PCID2: variants seen among roughly 807,000 people sequenced by gnomAD.
The protein encoded by PCID2 is PCI domain containing 2.
In PCID2, 41 loss-of-function variants were observed where a neutral mutation model predicts 61.3. The ratio of observed to expected loss-of-function variants is 0.67; its 90% confidence interval spans 0.52 to 0.87. The LOEUF (loss-of-function observed/expected upper bound fraction) is 0.87. Among genes scored for constraint, PCID2 ranks in the 40% least tolerant of loss-of-function variants. The pLI is 0.00. For synonymous variants in PCID2, 187 were observed against 177.8 expected, an observed-to-expected ratio of 1.05 and a Z score of -0.41; for missense variants, 392 against 493.4, an observed-to-expected ratio of 0.79 and a Z score of 1.95.
the PCID2 span, chr13:113,172,176 A>G: frequency 6.4e-7 from 1 of 1,572,038 alleles, no homozygotes; most frequent in Non-Finnish European, 8.6e-7. Flanking sequence ...GCCACTGTGG[A>G]GGGCGCTGAA....
the PCID2 span, among the ~76,000 whole-genome samples, chr13:113,168,006 G>A: frequency 9.9e-5 from 15 of 152,118 alleles, 1 homozygote; most frequent in East Asian, 1.4e-3. Flanking sequence ...CTCCACTTTC[G>A]CCGACGCCAC....
chr13:113,200,504 T>C lies in PCID2; in HGVS notation c.49A>G (p.Ile17Val), dbSNP rs755634819. The C allele has an allele frequency of 1.2e-6, 2 of 1,611,264 alleles. No homozygotes were observed. Among genetic ancestry groups the C allele is most frequent in the South Asian group, 2.2e-5 (2 of 91,022 alleles). The change falls in exon 2 of 14, where the codon ATC becomes GTC. Residue 17 changes from isoleucine to valine, a missense_variant. Ile to Val is a conservative substitution (Grantham distance 29). Transcript: ENST00000337344. ...CAAGATGCTCCATCTCTGCTGTCGATGGCTTCGTACACCTGAAACATTTGA... is the reference window on the plus strand; with the variant it reads ...CAAGATGCTCCATCTCTGCTGTCGACGGCTTCGTACACCTGAAACATTTGA... ...NQYLQQVYEA[I>V]DSRDGASCAE...
intron 6 of PCID2, among the ~76,000 whole-genome samples, chr13:113,192,312 T>C (rs1342458972): frequency 6.6e-6 from 1 of 152,236 alleles, no homozygotes; most frequent in Non-Finnish European, 1.5e-5. Flanking sequence ...TAAATCTTGG[T>C]CCTTGAGCAC....
In PCID2 at chr13:113,181,164, A is replaced by G; in HGVS notation, c.752T>C (p.Ile251Thr). ...HRSSQKNKRMILIYLLPVKML... is the reference protein window; with the variant it reads ...HRSSQKNKRMTLIYLLPVKML... ...TTTTACTGGAAGCAAATAGATCAGAATCATCCTTTTGTTCTTCTGACTAGA... is the reference window on the plus strand; with the variant it reads ...TTTTACTGGAAGCAAATAGATCAGAGTCATCCTTTTGTTCTTCTGACTAGA... Residue 251 changes from isoleucine (I) to threonine (T), a missense_variant, in exon 10 of 14, where the codon ATT (isoleucine) becomes ACT (threonine). Ile to Thr is a moderately conservative substitution (Grantham distance 89, BLOSUM62 -1). Coordinates refer to ENST00000337344, the MANE Select transcript of PCID2 (RefSeq NM_001127202.4). 6.2e-7 allele frequency: 1 copy of G among 1,612,924 alleles called. No homozygotes were observed. Among genetic ancestry groups the G allele is most frequent in the Non-Finnish European group, 8.5e-7 (1 of 1,178,876 alleles).
intron 1 of PCID2, among the ~76,000 whole-genome samples, chr13:113,203,674 G>T (rs2039594719): frequency 6.6e-6 from 1 of 152,156 alleles, no homozygotes; most frequent in African/African-American, 2.4e-5. Flanking sequence ...AGAACTCACT[G>T]GTGCCCAGCT....
At chr13:113,200,288 A>C (rs904360885) in intron 2 of PCID2, 139 bp downstream of exon 2, 1 of 614,802 alleles carries the variant, frequency 1.6e-6, no homozygotes, top group African/African-American at 1.9e-5. Context: ...AAATTACATA[A>C]ATCATAAAGA....
the PCID2 span, chr13:113,170,404 T>C: frequency 6.6e-7 from 1 of 1,518,648 alleles, no homozygotes; most frequent in Non-Finnish European, 9.1e-7. Context: ...TCTGTTTTGA[T>C]TTTTAAAGGT....
At chr13:113,184,576 A>G in intron 8 of PCID2, 89 bp from the exon 9 acceptor site, 1 of 739,618 alleles carries the variant, frequency 1.4e-6, no homozygotes, top group Non-Finnish European at 2.3e-6. Flanking sequence ...CTTAAAATGC[A>G]AATTACAAAA....
rs566143775 is a variant in PCID2, at chr13:113,197,077, G to A, written c.266+101C>T. ...AAAACACTGTCATTCCTTTCTAACT[G>A]CAGAAATGAGCAACTGGCCCAGTGT... On this transcript the variant is annotated intron_variant, in intron 4 of 13. Transcript: ENST00000337344. The A allele has an allele frequency of 4.7e-5, 76 of 1,614,174 alleles. No homozygotes were observed. The South Asian group carries it at 7.7e-4, about 16-fold the overall frequency.
the PCID2 span, chr13:113,170,673 C>T: frequency 1.5e-6 from 1 of 649,696 alleles, no homozygotes; most frequent in Non-Finnish European, 2.7e-6. Flanking sequence ...AGATACTTAT[C>T]AACTCAGGAA....
chr13:113,192,519 C>T (rs905160927), intron 6 of PCID2, among the ~76,000 whole-genome samples: 3 of 152,120 alleles, frequency 2.0e-5, no homozygotes, highest in Admixed American at 6.5e-5. Flanking sequence ...TTCTCCAAAA[C>T]GAATAGAACA....
At chr13:113,184,533 A>T in intron 8 of PCID2, 46 bp from the exon 9 acceptor site, 1 of 1,190,408 alleles carries the variant, frequency 8.4e-7, no homozygotes, top group Non-Finnish European at 1.2e-6. Context: ...AACAACAAAA[A>T]CAGGTGGCAA....
the PCID2 span, chr13:113,170,665 A>T: frequency 4.5e-6 from 3 of 663,608 alleles, no homozygotes; most frequent in African/African-American, 5.4e-5. Flanking sequence ...TAAAACTGAG[A>T]TACTTATCAA....
chr13:113,200,570 A>G (rs905559331), intron 1 of PCID2, 54 bp from the exon 2 acceptor site: 2 of 1,176,178 alleles, frequency 1.7e-6, no homozygotes, highest in Non-Finnish European at 2.6e-6. Flanking sequence ...CTGTTCGAAT[A>G]GAACCTACAA....
chr13:113,202,631 T>C (rs1037692698), intron 1 of PCID2, among the ~76,000 whole-genome samples: 1 of 152,220 alleles, frequency 6.6e-6, no homozygotes, highest in African/African-American at 2.4e-5. Context: ...TAAAAGAGTA[T>C]GTATAGAATG....
chr13:113,171,621 T>A, the PCID2 span: 1 of 1,614,114 alleles, frequency 6.2e-7, no homozygotes, highest in Non-Finnish European at 8.5e-7. The surrounding 1 kb of genome is among the most constrained non-coding windows in gnomAD (Gnocchi z 5.1). Context: ...CAAGACCCGC[T>A]GATGATCAAG....
Position 113,178,186 on chromosome 13 carries a change from C to T in PCID2, c.*12G>A, listed in dbSNP as rs375886153. On this transcript the variant is annotated 3_prime_UTR_variant, in exon 14 of 14. Transcript: ENST00000337344. The stretch of plus-strand genomic sequence containing the variant: ...AACAACTGCTCACCCGTCCTCGGGG[C>T]TCCGTGTACTTTCAACACACCGTGG... The T allele has an allele frequency of 4.4e-6, 7 of 1,604,068 alleles. No homozygotes were observed. In the African/African-American group the frequency reaches 8.0e-5, roughly 18 times the overall value.
chr13:113,165,152 A>G, the PCID2 span: 1 of 1,586,990 alleles, frequency 6.3e-7, no homozygotes, highest in Admixed American at 1.7e-5. Context: ...GCTTCAATTT[A>G]TTGTTATGAC....
At chr13:113,186,917 G>C (rs576030395) in intron 7 of PCID2, 1 of 152,196 alleles carries the variant, frequency 6.6e-6, no homozygotes, top group Non-Finnish European at 1.5e-5. Context: ...ACAAGCCACA[G>C]AACATAAAAT....
Sources: gnomAD v4.1 joint callset for allele counts (sites outside exome capture counted in the v4.1 genomes callset) on GRCh38, gnomAD v4.1.1 for gene constraint, Gnocchi (gnomAD v3.1) non-coding constraint, MANE v1.5 for transcripts, NCBI Gene and HGNC (gene_info 2026-07-23, HGNC 2026-07-21) for gene names.